The following PIK3C2A variants were observed in gnomAD, a reference collection of about 807,000 sequenced individuals.
The protein encoded by PIK3C2A is phosphatidylinositol-4-phosphate 3-kinase catalytic subunit type 2 alpha, also known as phosphatidylinositol 4-phosphate 3-kinase C2 domain-containing subunit alpha.
In PIK3C2A, 97 loss-of-function variants were observed where a neutral mutation model predicts 204.5. The observed-to-expected ratio is 0.47, with a 90% CI of 0.40 to 0.56. The LOEUF is 0.56. PIK3C2A is among the 20% of genes least tolerant of loss of function. PIK3C2A has a pLI of 0.00. For missense variants in PIK3C2A, 1,735 were observed against 1,969.2 expected (o/e 0.88, Z 2.25); for synonymous variants, 653 against 664.4 (o/e 0.98, Z 0.26).
At chr11:17,100,255 G>T (rs1430160925) in intron 25 of PIK3C2A, among the ~76,000 whole-genome samples, 5 of 119,116 alleles carry the variant, frequency 4.2e-5, no homozygotes, top group East Asian at 3.0e-4. Context: ...GGGGCGGGGG[G>T]GGGGGGCAGG....
intron 3 of PIK3C2A, among the ~76,000 whole-genome samples, chr11:17,152,421 G>GT (rs1191786407): frequency 6.6e-6 from 1 of 151,920 alleles, no homozygotes; most frequent in African/African-American, 2.4e-5. Flanking sequence ...TACAATTGAG[G>GT]TTTTTTTGTG....
chr11:17,182,837 A>G (rs928551173), intron 1 of PIK3C2A, among the ~76,000 whole-genome samples: 1 of 152,016 alleles, frequency 6.6e-6, no homozygotes, highest in Non-Finnish European at 1.5e-5. Flanking sequence ...CTGCATTTTT[A>G]TTTATTTATT....
intron 1 of PIK3C2A, among the ~76,000 whole-genome samples, chr11:17,203,913 T>A (rs998171811): frequency 6.6e-6 from 1 of 151,950 alleles, no homozygotes; most frequent in Non-Finnish European, 1.5e-5. Flanking sequence ...TCTACTAAAA[T>A]AATATAAAAA....
intron 1 of PIK3C2A, among the ~76,000 whole-genome samples, chr11:17,172,379 A>C (rs1362310840): frequency 6.6e-6 from 1 of 152,176 alleles, no homozygotes; most frequent in Non-Finnish European, 1.5e-5. Flanking sequence ...GGGCCAGCTA[A>C]CAGCCAGCAC....
intron 19 of PIK3C2A, among the ~76,000 whole-genome samples, chr11:17,116,459 T>C (rs1041164046): frequency 1.3e-5 from 2 of 152,200 alleles, no homozygotes; most frequent in South Asian, 4.1e-4. Flanking sequence ...TAAAGTGATA[T>C]AGCTGCTACA....
intron 13 of PIK3C2A, among the ~76,000 whole-genome samples, chr11:17,127,861 C>G (rs1313761614): frequency 6.6e-6 from 1 of 152,044 alleles, no homozygotes; most frequent in African/African-American, 2.4e-5. Context: ...AAGATATATT[C>G]TAGAACAACA....
intron 9 of PIK3C2A, among the ~76,000 whole-genome samples, chr11:17,135,690 TGTGTGTG>T (rs2137392877): frequency 6.7e-6 from 1 of 148,492 alleles, no homozygotes; most frequent in South Asian, 2.1e-4. Context: ...TGTGTGTGTG[TGTGTGTG>T]TGTGTGTGTG....
At chr11:17,108,426 C>A (rs1471873450) in intron 22 of PIK3C2A, among the ~76,000 whole-genome samples, 1 of 151,920 alleles carries the variant, frequency 6.6e-6, no homozygotes, top group Non-Finnish European at 1.5e-5. Context: ...CATAGTGAGA[C>A]CCCTGTCTTT....
intron 1 of PIK3C2A, among the ~76,000 whole-genome samples, chr11:17,196,061 G>GA (rs1257707116): frequency 6.7e-6 from 1 of 150,290 alleles, no homozygotes; most frequent in Non-Finnish European, 1.5e-5. Flanking sequence ...GAAAAGAAAA[G>GA]AAAAAAGAAA....
chr11:17,161,819 A>T (rs1742938674), intron 2 of PIK3C2A, among the ~76,000 whole-genome samples: 1 of 152,208 alleles, frequency 6.6e-6, no homozygotes, highest in Non-Finnish European at 1.5e-5. Flanking sequence ...TTATTTTCCA[A>T]TAAAAAATAT....
At chr11:17,176,668 C>G (rs1297102342) in intron 1 of PIK3C2A, among the ~76,000 whole-genome samples, 1 of 151,922 alleles carries the variant, frequency 6.6e-6, no homozygotes, top group Non-Finnish European at 1.5e-5. Flanking sequence ...TGCCTGTAGT[C>G]TCAGCTACTC....
In PIK3C2A at chr11:17,089,785, T is replaced by G; in HGVS notation, c.5014A>C (p.Lys1672Gln). ...AGCTGATACCATTTAACCGTCTCTTTGCTCAAGTTGAAATCTTTCAAAGGC... is the reference window on the plus strand; with the variant it reads ...AGCTGATACCATTTAACCGTCTCTTGGCTCAAGTTGAAATCTTTCAAAGGC... ...TLPLKDFNLSKETVKWYQLTA... is the reference protein window; with the variant it reads ...TLPLKDFNLSQETVKWYQLTA... Residue 1672 changes from lysine (K) to glutamine (Q), a missense_variant, in exon 33 of 33, where the codon AAA becomes CAA. Transcript: ENST00000691414. 5 of 1,614,106 alleles carry G rather than the reference T, an allele frequency of 3.1e-6. No individual in the cohort carries two copies. Among genetic ancestry groups the G allele is most frequent in the Non-Finnish European group, 4.2e-6 (5 of 1,179,950 alleles).
At chr11:17,145,533 T>C in intron 8 of PIK3C2A, 135 bp downstream of exon 8, 1 of 595,610 alleles carries the variant, frequency 1.7e-6, no homozygotes, top group Non-Finnish European at 2.9e-6. Context: ...TAAACCTATT[T>C]TCTTTATAAA....
At chr11:17,170,861 TG>T (rs1851133684) in intron 1 of PIK3C2A, among the ~76,000 whole-genome samples, 1 of 152,106 alleles carries the variant, frequency 6.6e-6, no homozygotes, top group African/African-American at 2.4e-5. Flanking sequence ...CTCAGCACTT[TG>T]GGAGGCCGAG....
chr11:17,193,076 TG>T (rs1851996583), intron 1 of PIK3C2A, among the ~76,000 whole-genome samples: 2 of 152,220 alleles, frequency 1.3e-5, no homozygotes, highest in South Asian at 4.1e-4. Context: ...ATTTCCTCTC[TG>T]TCATATGTGG....
Position 17,129,319 on chromosome 11 carries a change from G to A in PIK3C2A, c.2380C>T (p.Pro794Ser). Residue 794 changes from proline (P) to serine (S), a missense_variant, in exon 13 of 33, where the codon CCT becomes TCT. This residue lies in a region of PIK3C2A where 567 missense variants were observed against 576.0 expected (regional missense o/e 0.98). Coordinates refer to ENST00000691414, the MANE Select transcript of PIK3C2A (RefSeq NM_002645.4). ...GPEALGKVSL[P>S]LFDFKRFLTC... ...ACTTACCGTTTAAAGTCAAAAAGAG[G>A]TAAAGAAACTTTGCCCAAAGCTTCT... The A allele has an allele frequency of 6.2e-7, 1 of 1,613,700 alleles. No individual in the cohort carries two copies. Among genetic ancestry groups the A allele is most frequent in the Non-Finnish European group, 8.5e-7 (1 of 1,179,720 alleles).
Position 17,155,645 on chromosome 11 carries a change from T to C in PIK3C2A, c.1066-16A>G. 6.8e-7 allele frequency: 1 copy of C among 1,466,960 alleles called. No homozygotes were observed. Among genetic ancestry groups the C allele is most frequent in the Non-Finnish European group, 9.5e-7 (1 of 1,050,148 alleles). 90.9% of individuals were successfully genotyped at this position (1,466,960 alleles called of 1,614,324 possible). ...TTGGGTCTTTCTGTAATTAAAAAAG[T>C]GTTTTTATTTTAAAAGTGGAAGATC... On this transcript the variant is annotated splice_polypyrimidine_tract_variant and intron_variant, in intron 2 of 32. Transcript: ENST00000691414.
chr11:17,096,972 CA>C, intron 27 of PIK3C2A, 84 bp downstream of exon 27: 1 of 780,182 alleles, frequency 1.3e-6, no homozygotes, highest in Non-Finnish European at 2.2e-6. Flanking sequence ...CAAATGCTTG[CA>C]ACTTTAGCAG....
chr11:17,105,014 GT>G (rs2137296692), intron 23 of PIK3C2A, among the ~76,000 whole-genome samples, 154 bp downstream of exon 23: 1 of 152,202 alleles, frequency 6.6e-6, no homozygotes, highest in South Asian at 2.1e-4. Context: ...AATGCGTCTT[GT>G]TTTACATTCT....
Sources: gnomAD v4.1 joint callset for allele counts (sites outside exome capture counted in the v4.1 genomes callset) on GRCh38, gnomAD v4.1.1 for gene constraint, gnomAD v4.1.1 regional missense constraint, MANE v1.5 for transcripts, NCBI Gene and HGNC (gene_info 2026-07-23, HGNC 2026-07-21) for gene names.